LAMA2: variants seen among roughly 807,000 people sequenced by gnomAD.
LAMA2 encodes laminin subunit alpha-2.
LAMA2 carries 269 observed loss-of-function variants against 364.8 expected under a neutral mutation model. The observed-to-expected ratio is 0.74, with a 90% CI of 0.67 to 0.82. LAMA2 has a LOEUF of 0.82. Ranked by LOEUF, LAMA2 falls within the 40% of genes least tolerant of loss-of-function variation. LAMA2 has a pLI of 0.00. For missense variants in LAMA2, 3,807 were observed against 3,873.2 expected, an observed-to-expected ratio of 0.98 and a Z score of 0.45; for synonymous variants, 1,379 against 1,370.6, an observed-to-expected ratio of 1.01 and a Z score of -0.14.
chr6:129,344,344 A>G (rs916729243), intron 30 of LAMA2, among the ~76,000 whole-genome samples: 9 of 152,320 alleles, frequency 5.9e-5, no homozygotes, highest in East Asian at 3.9e-4. Context: ...AGATTCGGAA[A>G]CTAATTAGAT....
intron 29 of LAMA2, among the ~76,000 whole-genome samples, chr6:129,330,591 G>GTT (rs1491387157): frequency 0.23 from 18,267 of 79,470 alleles, 1,846 homozygotes; most frequent in Non-Finnish European, 0.26. Context: ...GTTGTTGTTT[G>GTT]GTTTTTGTTT....
chr6:129,049,421 T>G lies in LAMA2; in HGVS notation c.113-497T>G, dbSNP rs1787835321. Reference sequence around the variant, plus strand: ...TATTCCAAAGTAAACATTATCTATCTTCTCTAGTCTGGGATAAAGAAGTTT... The same window carrying G: ...TATTCCAAAGTAAACATTATCTATCGTCTCTAGTCTGGGATAAAGAAGTTT... On this transcript the variant is annotated intron_variant, in intron 1 of 64. Transcript: ENST00000421865. Among the ~76,000 whole-genome samples, 6 of 152,194 alleles carry G rather than the reference T, an allele frequency of 3.9e-5. No homozygotes were observed. The South Asian group carries it at 1.2e-3, about 31-fold the overall frequency.
chr6:129,160,043 T>C (rs1253657710), intron 8 of LAMA2, among the ~76,000 whole-genome samples: 2 of 152,208 alleles, frequency 1.3e-5, no homozygotes, highest in Admixed American at 1.3e-4. Flanking sequence ...TCTCATAAAA[T>C]ATATTGGTCT....
At chr6:129,200,339 C>CGT (rs1782176241) in intron 12 of LAMA2, among the ~76,000 whole-genome samples, 4 of 116,824 alleles carry the variant, frequency 3.4e-5, no homozygotes, top group African/African-American at 1.7e-4. Flanking sequence ...TACATATACA[C>CGT]GTATATGTGT....
intron 1 of LAMA2, among the ~76,000 whole-genome samples, chr6:128,902,862 T>C (rs932273726): frequency 2.6e-5 from 4 of 152,192 alleles, no homozygotes; most frequent in Non-Finnish European, 5.9e-5. Context: ...TGGTTTCTCA[T>C]GTTCACCAGA....
intron 1 of LAMA2, among the ~76,000 whole-genome samples, chr6:129,019,974 A>G (rs1191445099): frequency 6.6e-6 from 1 of 152,022 alleles, no homozygotes; most frequent in Non-Finnish European, 1.5e-5. Context: ...AATCCCAGCT[A>G]CTCAGGAGGC....
chr6:129,486,496 A>G lies in LAMA2; in HGVS notation c.7772A>G (p.Asn2591Ser), dbSNP rs200095274. Residue 2591 changes from asparagine to serine, a missense_variant, in exon 56 of 65, where the codon AAC becomes AGC. Transcript: ENST00000421865. The stretch of plus-strand genomic sequence containing the variant: ...CAGGCCTATTATGCAATACTCCTCA[A>G]CAGGGGCCGTCTGGAAGTGCATCTC... ...TGQAYYAILL[N>S]RGRLEVHLST... is the part of the protein sequence containing the mutation. 7.8e-5 allele frequency: 126 copies of G among 1,613,678 alleles called. No homozygotes were observed. Among genetic ancestry groups the G allele is most frequent in the Admixed American group, 1.2e-4 (7 of 59,970 alleles).
rs754714449 is a variant in LAMA2 at position 129,287,873 on chromosome 6, C to G, written c.2564C>G (p.Pro855Arg). ...TGTGCAGAAGGCTATTTTGGACAAC[C>G]CTCTGTACCTGGAGGATCATGTCAG... The part of the protein sequence containing the change: ...ERCAEGYFGQ[P>R]SVPGGSCQPC... The change falls in exon 19 of 65, where the codon CCC becomes CGC. Residue 855 changes from proline to arginine, a missense_variant. Pro to Arg is a moderately radical substitution (Grantham distance 103, BLOSUM62 -2). Around this residue, in one of 3 missense-constraint regions of LAMA2, gnomAD observed 3,333 missense variants for 3,345.7 expected, o/e 1.00. Coordinates refer to ENST00000421865, the MANE Select transcript of LAMA2 (RefSeq NM_000426.4). 16 of 1,613,870 alleles carry G rather than the reference C, an allele frequency of 9.9e-6. No individual in the cohort carries two copies. Among genetic ancestry groups the G allele is most frequent in the East Asian group, 4.5e-5 (2 of 44,876 alleles).
chr6:129,069,164 A>G (rs1184536990), intron 3 of LAMA2, among the ~76,000 whole-genome samples: 2 of 152,028 alleles, frequency 1.3e-5, no homozygotes, highest in Non-Finnish European at 2.9e-5. Context: ...CTGTGAGGAA[A>G]GAGCTGTTAA....
In LAMA2 at chr6:129,473,282, A is replaced by C. The variant is rs797045680; in HGVS notation, c.7369A>C (p.Asn2457His). 2 of 1,611,956 alleles carry C rather than the reference A, an allele frequency of 1.2e-6. No individual in the cohort carries two copies. Among genetic ancestry groups the C allele is most frequent in the East Asian group, 4.5e-5 (2 of 44,758 alleles). The change falls in exon 52 of 65, where the codon AAC becomes CAC. Residue 2457 changes from asparagine (N) to histidine (H), a missense_variant. Physicochemically the swap from Asn to His is moderately conservative, Grantham distance 68. Around this residue, in one of 3 missense-constraint regions of LAMA2, gnomAD observed 3,333 missense variants for 3,345.7 expected, o/e 1.00. Transcript: ENST00000421865. ...ENIATSSSGN[N>H]FGLDLKADDK... ...TATAGCAACTTCGTCTTCTGGAAAC[A>C]ACTTTGGTCTTGACTTGAAAGCAGA...
intron 1 of LAMA2, among the ~76,000 whole-genome samples, chr6:128,988,603 C>CA (rs1783417950): frequency 6.6e-6 from 1 of 152,154 alleles, no homozygotes; most frequent in Non-Finnish European, 1.5e-5. Context: ...ATTAAACAGT[C>CA]AGTTATTGGG....
intron 40 of LAMA2, among the ~76,000 whole-genome samples, chr6:129,409,260 C>G (rs1197624595): frequency 6.6e-6 from 1 of 152,182 alleles, no homozygotes; most frequent in Non-Finnish European, 1.5e-5. Context: ...GCAGAATCAT[C>G]TGTGAACCAG....
intron 12 of LAMA2, among the ~76,000 whole-genome samples, chr6:129,226,153 C>T (rs1784256946): frequency 1.3e-5 from 2 of 152,136 alleles, no homozygotes; most frequent in African/African-American, 4.8e-5. Context: ...ACTAGGTTTG[C>T]AACCCCTGCC....
chr6:129,502,712 C>A lies in LAMA2; in HGVS notation c.8298C>A (p.Phe2766Leu), dbSNP rs145295628. 3.1e-6 allele frequency: 5 copies of A among 1,613,826 alleles called. No homozygotes were observed. The highest frequency in any genetic ancestry group is 3.3e-5 in the Admixed American group (2 of 59,984). The change falls in exon 59 of 65, where the codon TTC (phenylalanine) becomes TTA (leucine). Residue 2766 changes from phenylalanine (F) to leucine (L), a missense_variant. By Grantham distance (22) the Phe-to-Leu change is conservative (BLOSUM62 0). Coordinates refer to ENST00000421865, the MANE Select transcript of LAMA2 (RefSeq NM_000426.4). ...CTCTTTTGATAGGGAGCAAGCAGTT[C>A]GGGCTTTCAAGAAACAGTCACATTG... is the stretch of plus-strand genomic sequence containing the variant. Reference protein sequence around the residue: ...EPALLIGSKQFGLSRNSHIAI... With the variant: ...EPALLIGSKQLGLSRNSHIAI...
At chr6:129,236,556 A>T (rs1309182572) in intron 12 of LAMA2, among the ~76,000 whole-genome samples, 2 of 152,192 alleles carry the variant, frequency 1.3e-5, no homozygotes, top group African/African-American at 4.8e-5. Flanking sequence ...TCATTCAGAT[A>T]TTCCAGGTAG....
intron 27 of LAMA2, among the ~76,000 whole-genome samples, chr6:129,316,496 A>G (rs954736663): frequency 6.6e-6 from 1 of 152,218 alleles, no homozygotes; most frequent in African/African-American, 2.4e-5. Flanking sequence ...AATGGATTAT[A>G]AAAGTGCTGA....
At chr6:129,144,198 A>G (rs1778296976) in intron 5 of LAMA2, 118 bp downstream of exon 5, 2 of 693,408 alleles carry the variant, frequency 2.9e-6, no homozygotes, top group Admixed American at 2.7e-5. Context: ...TCAAATTTTT[A>G]TTTTAGAATT....
At chr6:129,013,652 C>T (rs1193332418) in intron 1 of LAMA2, among the ~76,000 whole-genome samples, 4 of 151,992 alleles carry the variant, frequency 2.6e-5, no homozygotes, top group South Asian at 2.1e-4. Flanking sequence ...TTGTAAGCCA[C>T]GAAAGGCATT....
intron 12 of LAMA2, among the ~76,000 whole-genome samples, chr6:129,197,177 G>A (rs545385631): frequency 6.6e-6 from 1 of 152,250 alleles, no homozygotes; most frequent in South Asian, 2.1e-4. Context: ...ATATTTATTT[G>A]ACATATTCTG....
Sources: gnomAD v4.1 joint callset for allele counts (sites outside exome capture counted in the v4.1 genomes callset) on GRCh38, gnomAD v4.1.1 for gene constraint, gnomAD v4.1.1 regional missense constraint, MANE v1.5 for transcripts, NCBI Gene and HGNC (gene_info 2026-07-23, HGNC 2026-07-21) for gene names.